Variants in KCNMA1 observed in about 807,000 individuals in gnomAD.
KCNMA1 encodes Calcium-activated potassium channel subunit alpha-1.
In KCNMA1, 29 loss-of-function variants were observed where a neutral mutation model predicts 140.0. That is an observed-to-expected ratio of 0.21 (90% CI 0.15 to 0.28). The LOEUF (loss-of-function observed/expected upper bound fraction) is 0.28, where lower values mean the gene tolerates loss of function less well. KCNMA1 is among the 10% of genes least tolerant of loss of function. KCNMA1 has a pLI of 1.00. For synonymous variants in KCNMA1, 612 were observed against 611.9 expected, an observed-to-expected ratio of 1.00 and a Z score of 0.00; for missense variants, 880 against 1,602.2, an observed-to-expected ratio of 0.55 and a Z score of 7.70.
intron 23 of KCNMA1, among the ~76,000 whole-genome samples, chr10:76,930,867 C>T (rs953298983): frequency 2.0e-5 from 3 of 152,124 alleles, no homozygotes; most frequent in Non-Finnish European, 4.4e-5. Flanking sequence ...GAACATCATG[C>T]TAAGTGAAAT....
At chr10:77,465,705 A>G (rs1037347673) in intron 1 of KCNMA1, among the ~76,000 whole-genome samples, 7 of 152,170 alleles carry the variant, frequency 4.6e-5, no homozygotes, top group African/African-American at 1.7e-4. Context: ...TAGACTAGAA[A>G]AACTGGTCGA....
intron 1 of KCNMA1, among the ~76,000 whole-genome samples, chr10:77,484,783 C>T (rs11816507): frequency 2.0e-5 from 3 of 152,138 alleles, no homozygotes; most frequent in African/African-American, 7.2e-5. Context: ...TCGCCAACAA[C>T]TTCCCAAGTG....
chr10:77,389,567 C>T (rs1249488973), intron 2 of KCNMA1, among the ~76,000 whole-genome samples: 3 of 152,112 alleles, frequency 2.0e-5, no homozygotes, highest in Admixed American at 6.5e-5. Context: ...AAATTTGGGG[C>T]TAGTGGGGTC....
At chr10:77,030,975 C>T (rs1394058476) in intron 15 of KCNMA1, among the ~76,000 whole-genome samples, 2 of 152,214 alleles carry the variant, frequency 1.3e-5, no homozygotes, top group South Asian at 2.1e-4. Flanking sequence ...CGTGCCACAA[C>T]ACAGATTTTC....
chr10:77,523,234 C>T (rs920474226), intron 1 of KCNMA1, among the ~76,000 whole-genome samples: 8 of 145,672 alleles, frequency 5.5e-5, no homozygotes, highest in South Asian at 4.7e-4. Context: ...ACCACAGAAC[C>T]GCATAGTAGG....
rs531093811 is a variant in KCNMA1 at position 77,340,710 on chromosome 10, G to A, written c.540+63152C>T. 2.7e-3 allele frequency among the ~76,000 whole-genome samples: 413 copies of A among 150,790 alleles called. 3 individuals are homozygous for A. Among genetic ancestry groups the A allele is most frequent in the African/African-American group, 9.6e-3 (393 of 40,864 alleles). On this transcript the variant is annotated intron_variant, in intron 2 of 27. Coordinates refer to ENST00000286628, the MANE Select transcript of KCNMA1 (RefSeq NM_001161352.2). ...GGAACATCACACACTGGGGCCTGTC[G>A]TGGGGTCGGGGGGAGGGGGCAGGGA...
At chr10:77,147,269 A>C (rs1483149015) in intron 5 of KCNMA1, among the ~76,000 whole-genome samples, 1 of 152,208 alleles carries the variant, frequency 6.6e-6, no homozygotes, top group African/African-American at 2.4e-5. Context: ...TTCTTCACGC[A>C]CTTACTCTTA....
chr10:77,598,114 G>A (rs990002041), intron 1 of KCNMA1, among the ~76,000 whole-genome samples: 1 of 152,098 alleles, frequency 6.6e-6, no homozygotes, highest in Non-Finnish European at 1.5e-5. Flanking sequence ...TGGATTACAG[G>A]TGTGTGCCAC....
chr10:76,885,239 TTATA>T lies in KCNMA1; in HGVS notation c.*2023_*2026del. The T allele has an allele frequency of 4.2e-6, 2 of 480,630 alleles. No individual in the cohort carries two copies. The highest frequency in any genetic ancestry group is 5.4e-6 in the Non-Finnish European group (2 of 369,358). 29.8% of individuals were successfully genotyped at this position (480,630 alleles called of 1,614,324 possible). ...TAGTTATATATATATAATTATATAGTTATATATATATAATTATATATAGTTTATA... is the reference window on the plus strand; with the variant it reads ...TAGTTATATATATATAATTATATAGTTATATATAATTATATATAGTTTATA... On this transcript the variant is annotated 3_prime_UTR_variant, in exon 28 of 28. Transcript: ENST00000286628.
chr10:77,428,685 T>C (rs2097081017), intron 1 of KCNMA1, among the ~76,000 whole-genome samples: 1 of 152,104 alleles, frequency 6.6e-6, no homozygotes, highest in Non-Finnish European at 1.5e-5. Context: ...CCATTACCTA[T>C]TGTGTTTTGG....
At chr10:77,566,319 G>A (rs983732704) in intron 1 of KCNMA1, among the ~76,000 whole-genome samples, 171 of 152,230 alleles carry the variant, frequency 1.1e-3, no homozygotes, top group African/African-American at 3.9e-3. Flanking sequence ...GATCCTGCTC[G>A]GGGCACCACC....
chr10:77,379,581 A>G (rs2095308357), intron 2 of KCNMA1, among the ~76,000 whole-genome samples: 1 of 151,816 alleles, frequency 6.6e-6, no homozygotes, highest in Non-Finnish European at 1.5e-5. Flanking sequence ...GGCAGAAAAG[A>G]AAACAATCAA....
chr10:77,045,874 A>C (rs1446830904), intron 14 of KCNMA1, among the ~76,000 whole-genome samples: 5 of 152,230 alleles, frequency 3.3e-5, no homozygotes, highest in South Asian at 2.1e-4. Flanking sequence ...ATCTTGCAAA[A>C]GTCCACCTCT....
At chr10:77,507,842 T>C (rs1029744476) in intron 1 of KCNMA1, among the ~76,000 whole-genome samples, 2 of 152,224 alleles carry the variant, frequency 1.3e-5, no homozygotes, top group South Asian at 2.1e-4. Flanking sequence ...GTGCATCCTT[T>C]GGCCCAGCAA....
Position 77,274,350 on chromosome 10 carries a change from A to T in KCNMA1, c.541-23094T>A, listed in dbSNP as rs144592832. On this transcript the variant is annotated intron_variant, in intron 2 of 27. Transcript: ENST00000286628. ...TTCCCTAAACCTTCCAAAGAAGGGC[A>T]GTGAGGATGCCCCCACAATGTTCTT... Among the ~76,000 whole-genome samples, 329 of 152,316 alleles carry T rather than the reference A, an allele frequency of 2.2e-3. 8 individuals carry two copies. In the East Asian group the frequency reaches 0.054, roughly 25 times the overall value.
intron 20 of KCNMA1, among the ~76,000 whole-genome samples, chr10:76,958,016 G>A (rs2069107907): frequency 6.6e-6 from 1 of 152,236 alleles, no homozygotes; most frequent in Admixed American, 6.5e-5. Context: ...TGTACAGTCA[G>A]TTGTCCACAG....
chr10:77,201,588 A>T (rs1490337395), intron 3 of KCNMA1, among the ~76,000 whole-genome samples: 1 of 152,200 alleles, frequency 6.6e-6, no homozygotes, highest in Non-Finnish European at 1.5e-5. Context: ...AACAGGCCTA[A>T]GTGCTGGGAT....
chr10:77,016,632 C>A (rs978825383), intron 17 of KCNMA1, among the ~76,000 whole-genome samples: 4 of 152,108 alleles, frequency 2.6e-5, no homozygotes, highest in Non-Finnish European at 4.4e-5. Context: ...ATGTGCAAGC[C>A]AAACTGAGTC....
At chr10:77,540,609 G>A (rs543261261) in intron 1 of KCNMA1, among the ~76,000 whole-genome samples, 1 of 152,308 alleles carries the variant, frequency 6.6e-6, no homozygotes, top group South Asian at 2.1e-4. Flanking sequence ...GTCAGGCATT[G>A]TGCTGAATAT....
Sources: gnomAD v4.1 joint callset for allele counts (sites outside exome capture counted in the v4.1 genomes callset) on GRCh38, gnomAD v4.1.1 for gene constraint, MANE v1.5 for transcripts, NCBI Gene and HGNC (gene_info 2026-07-23, HGNC 2026-07-21) for gene names.